Variants in PTCH2 observed in about 807,000 individuals in gnomAD.
PTCH2 encodes protein patched homolog 2.
PTCH2 carries 96 observed loss-of-function variants against 117.9 expected under a neutral mutation model. The observed-to-expected ratio is 0.81, with a 90% CI of 0.69 to 0.96. PTCH2 has a LOEUF of 0.96. Ranked by LOEUF, PTCH2 falls within the 50% of genes least tolerant of loss-of-function variation. The pLI, the probability that PTCH2 is intolerant of heterozygous loss-of-function variation, is 0.00. For synonymous variants in PTCH2, 615 were observed against 660.9 expected, an observed-to-expected ratio of 0.93 and a Z score of 1.06; for missense variants, 1,379 against 1,562.5, an observed-to-expected ratio of 0.88 and a Z score of 1.98.
rs1344849780 is a variant in PTCH2 at position 44,827,145 on chromosome 1, AC to A, written c.2514+21del. ...AGGCCTGCAGCCCCTGTACTAGTGG[AC>A]CCCTCCAGCCCTCTCCCAACCTGGC... is the stretch of plus-strand genomic sequence containing the variant. On this transcript the variant is annotated intron_variant, in intron 16 of 21. Transcript: ENST00000372192. 3.1e-6 allele frequency: 5 copies of A among 1,613,772 alleles called. No individual in the cohort carries two copies. The South Asian group carries it at 5.5e-5, about 18-fold the overall frequency.
rs755598335 is a variant in PTCH2 at position 44,826,512 on chromosome 1, G to T, written c.2952C>A (p.Leu984=). 6.2e-6 allele frequency: 10 copies of T among 1,613,950 alleles called. No individual in the cohort carries two copies. Among genetic ancestry groups the T allele is most frequent in the Non-Finnish European group, 7.6e-6 (9 of 1,180,034 alleles). The change falls in exon 18 of 22, where the codon CTC becomes CTA. Residue 984 remains leucine, a synonymous_variant. Transcript: ENST00000372192. The surrounding 1 kb of genome is among the most constrained non-coding windows in gnomAD (Gnocchi z 5.1). ...CTATGAGGCCAGCCGTCCAGGGGTT[G>T]AGGAGCAGCAGAGCACAGACGAGGA... ...CTFLVCALLL[L]NPWTAGLIVL... is the part of the protein sequence containing the mutation.
rs143348731 is a variant in PTCH2, at chr1:44,832,286, C to T, written c.321G>A (p.Glu107=). 130 of 1,614,238 alleles carry T rather than the reference C, an allele frequency of 8.1e-5. No homozygotes were observed. In the African/African-American group the frequency reaches 1.5e-3, roughly 18 times the overall value. Residue 107 remains glutamate (E), a synonymous_variant, in exon 3 of 22, where the codon GAG becomes GAA. Coordinates refer to ENST00000372192, the MANE Select transcript of PTCH2 (RefSeq NM_003738.5). The part of the protein sequence containing the change: ...LHYTKEKLGE[E]AAYTSQMLIQ... The stretch of plus-strand genomic sequence containing the variant: ...TCAGCATCTGAGAGGTGTATGCAGC[C>T]TCCTCCCCCAGCTTCTCCTTGGTGT...
rs1317812742 is a variant in PTCH2, at chr1:44,823,226, C to T, written c.3257+17G>A. ...GCCTGTCCTGAGCCCTGCCTCCCTG[C>T]CCCGAGCCCTCCCTACCTTACAATG... is the stretch of plus-strand genomic sequence containing the variant. On this transcript the variant is annotated intron_variant, in intron 20 of 21. Coordinates refer to ENST00000372192, the MANE Select transcript of PTCH2 (RefSeq NM_003738.5). The surrounding 1 kb of genome is among the most constrained non-coding windows in gnomAD (Gnocchi z 5.1). 2 of 1,614,204 alleles carry T rather than the reference C, an allele frequency of 1.2e-6. No homozygotes were observed. Among genetic ancestry groups the T allele is most frequent in the South Asian group, 1.1e-5 (1 of 91,084 alleles).
Position 44,826,498 on chromosome 1 carries a change from G to T in PTCH2, c.2966C>A (p.Ala989Asp). 6.2e-7 allele frequency: 1 copy of T among 1,613,926 alleles called. No individual in the cohort carries two copies. Among genetic ancestry groups the T allele is most frequent in the Non-Finnish European group, 8.5e-7 (1 of 1,180,008 alleles). ...CCTGCAAGCACTCACTATGAGGCCA[G>T]CCGTCCAGGGGTTGAGGAGCAGCAG... ...CALLLLNPWT[A>D]GLIVLVLAMM... The change falls in exon 18 of 22, where the codon GCT becomes GAT. Residue 989 changes from alanine to aspartate, a missense_variant. Physicochemically the swap from Ala to Asp is moderately radical, Grantham distance 126. Coordinates refer to ENST00000372192, the MANE Select transcript of PTCH2 (RefSeq NM_003738.5). The surrounding 1 kb of genome is among the most constrained non-coding windows in gnomAD (Gnocchi z 5.1).
At chr1:44,824,085 CA>C (rs1348946236) in intron 19 of PTCH2, among the ~76,000 whole-genome samples, 5 of 152,182 alleles carry the variant, frequency 3.3e-5, no homozygotes, top group African/African-American at 1.2e-4. Flanking sequence ...AGAGTTGCAG[CA>C]GAGACTCTAT....
intron 1 of PTCH2, 82 bp downstream of exon 1, chr1:44,842,779 C>A: frequency 1.5e-6 from 2 of 1,371,652 alleles, no homozygotes; most frequent in Non-Finnish European, 2.0e-6. Context: ...CTCGGCACTT[C>A]AAGACATCAC....
intron 2 of PTCH2, among the ~76,000 whole-genome samples, chr1:44,833,150 C>T (rs1426700625): frequency 6.6e-6 from 1 of 152,028 alleles, no homozygotes; most frequent in African/African-American, 2.4e-5. Flanking sequence ...ATCTTAGCGC[C>T]CCTCCAGTCC....
rs767202237 is a variant in PTCH2 at position 44,826,263 on chromosome 1, A to C, written c.3101T>G (p.Val1034Gly). 1.9e-6 allele frequency: 3 copies of C among 1,614,070 alleles called. No homozygotes were observed. The highest frequency in any genetic ancestry group is 2.5e-6 in the Non-Finnish European group (3 of 1,180,036). The change falls in exon 19 of 22, where the codon GTC (valine) becomes GGC (glycine). Residue 1034 changes from valine (V) to glycine (G), a missense_variant. Physicochemically the swap from Val to Gly is moderately radical, Grantham distance 109. Transcript: ENST00000372192. The surrounding 1 kb of genome is among the most constrained non-coding windows in gnomAD (Gnocchi z 5.1). Reference protein sequence around the residue: ...ASVGIGVEFTVHVALGFLTTQ... With the variant: ...ASVGIGVEFTGHVALGFLTTQ... ...GCCCGTGCTCACCAGAGCCACGTGG[A>C]CTGTGAACTCAACGCCAATGCCTAC...
chr1:44,841,698 TC>T, intron 2 of PTCH2, 148 bp downstream of exon 2: 1 of 766,094 alleles, frequency 1.3e-6, no homozygotes, highest in Non-Finnish European at 2.3e-6. Context: ...GGAACGGTGT[TC>T]CTAGATGCCC....
chr1:44,829,083 G>T lies in PTCH2; in HGVS notation c.1372-9C>A. ...GCCAAGAAGGGCAGCACCTGGAGGG[G>T]CAGAGGAGCGGGCAGCTGAGGACCC... On this transcript the variant is annotated splice_polypyrimidine_tract_variant and intron_variant, in intron 10 of 21. Transcript: ENST00000372192. 1 of 1,612,788 alleles carries T rather than the reference G, an allele frequency of 6.2e-7. No homozygotes were observed.
chr1:44,828,896 T>C lies in PTCH2; in HGVS notation c.1464+86A>G, dbSNP rs570571979. 355 of 1,417,510 alleles carry C rather than the reference T, an allele frequency of 2.5e-4. 1 individual carries two copies. In the African/African-American group the frequency reaches 4.9e-3, roughly 20 times the overall value. 87.8% of individuals were successfully genotyped at this position (1,417,510 alleles called of 1,614,324 possible). On this transcript the variant is annotated intron_variant, in intron 11 of 21. Coordinates refer to ENST00000372192, the MANE Select transcript of PTCH2 (RefSeq NM_003738.5). ...TGGGGACAAGAGGCACCGAGGTTCA[T>C]TAGCAGCCCAAGGTCACTTGAACCA... is the stretch of plus-strand genomic sequence containing the variant.
At chr1:44,833,116 G>T (rs917887643) in intron 2 of PTCH2, among the ~76,000 whole-genome samples, 2 of 152,122 alleles carry the variant, frequency 1.3e-5, no homozygotes, top group Non-Finnish European at 2.9e-5. Flanking sequence ...GATTCCCGGC[G>T]CCAGGCCTGC....
rs1480555297 is a variant in PTCH2, at chr1:44,823,479, T to C, written c.3115-94A>G. On this transcript the variant is annotated intron_variant, in intron 19 of 21. Coordinates refer to ENST00000372192, the MANE Select transcript of PTCH2 (RefSeq NM_003738.5). The surrounding 1 kb of genome is among the most constrained non-coding windows in gnomAD (Gnocchi z 5.1). ...TGTATCTGTCTTCAGAGCTCAACGATACCTTGGCCCACCAAAGGCTGGGTG... is the reference window on the plus strand; with the variant it reads ...TGTATCTGTCTTCAGAGCTCAACGACACCTTGGCCCACCAAAGGCTGGGTG... The C allele has an allele frequency of 1.3e-6, 2 of 1,553,474 alleles. No individual in the cohort carries two copies. The highest frequency in any genetic ancestry group is 1.4e-5 in the African/African-American group (1 of 73,644).
At position 44,822,507 on chromosome 1, in the gene PTCH2, T is replaced by C. The variant is rs749534829; in HGVS notation, c.3520A>G (p.Ile1174Val). The C allele has an allele frequency of 2.5e-6, 4 of 1,613,724 alleles. No individual in the cohort carries two copies. The highest frequency in any genetic ancestry group is 1.1e-5 in the South Asian group (1 of 91,076). ...IHPPPLPGAY[I>V]HPAPDEPPWS... ...GGGGGCTCATCAGGGGCTGGATGGA[T>C]GTAGGCACCAGGCAGGGGGGGTGGG... Residue 1174 changes from isoleucine (I) to valine (V), a missense_variant, in exon 22 of 22, where the codon ATC becomes GTC. Ile to Val is a conservative substitution (Grantham distance 29). Coordinates refer to ENST00000372192, the MANE Select transcript of PTCH2 (RefSeq NM_003738.5).
chr1:44,831,759 G>A lies in PTCH2; in HGVS notation c.564C>T (p.Pro188=). 6.3e-7 allele frequency: 1 copy of A among 1,587,638 alleles called. No homozygotes were observed. Residue 188 remains proline (P), a synonymous_variant, in exon 5 of 22, where the codon CCC becomes CCT. Transcript: ENST00000372192. This position sits in a 1 kb window ranked among gnomAD's most constrained non-coding sequence, Gnocchi z 4.3. ...EKLFPCVILT[P]LDCFWEGAKL... ...TGGCTCCCTCCCAGAAGCAGTCGAG[G>A]GGGGTGAGGATCACGCACGGAAACA...
rs372907480 is a variant in PTCH2 at position 44,827,601 on chromosome 1, A to G, written c.2172T>C (p.His724=). ...ACCTGAGCTGGGCGCTCAGGAAGGC[A>G]TGCTCCTTGGTGCCCCGAGGCACCA... is the stretch of plus-strand genomic sequence containing the variant. ...TDVVPRGTKE[H]AFLSAQLRYF... Residue 724 remains histidine, a synonymous_variant, in exon 15 of 22, where the codon CAT becomes CAC. Transcript: ENST00000372192. 3.6e-5 allele frequency: 58 copies of G among 1,613,862 alleles called. No homozygotes were observed. The South Asian group carries it at 4.7e-4, about 13-fold the overall frequency.
rs1653244971 is a variant in PTCH2 at position 44,828,083 on chromosome 1, A to G, written c.1818T>C (p.Cys606=). The G allele has an allele frequency of 6.2e-7, 1 of 1,614,016 alleles. No individual in the cohort carries two copies. The highest frequency in any genetic ancestry group is 1.1e-5 in the South Asian group (1 of 91,090). ...LTATVQAFTH[C]EASSQHVVTI... is the part of the protein sequence containing the mutation. Reference sequence around the variant, plus strand: ...TGACCACATGCTGGCTGCTGGCTTCACAGTGGGTAAAGGCTTGAACTGTGG... The same window carrying G: ...TGACCACATGCTGGCTGCTGGCTTCGCAGTGGGTAAAGGCTTGAACTGTGG... The change falls in exon 14 of 22, where the codon TGT becomes TGC. Residue 606 remains cysteine, a synonymous_variant. Coordinates refer to ENST00000372192, the MANE Select transcript of PTCH2 (RefSeq NM_003738.5).
chr1:44,820,067 T>G (rs1271251882), downstream of PTCH2: 1 of 228,208 alleles, frequency 4.4e-6, no homozygotes, highest in African/African-American at 2.3e-5. Context: ...GTTGGATGCC[T>G]GCGTGGTACG....
chr1:44,841,820 C>T (rs1262039795), intron 2 of PTCH2, 27 bp downstream of exon 2: 13 of 1,611,598 alleles, frequency 8.1e-6, no homozygotes, highest in African/African-American at 1.3e-5. Flanking sequence ...CATACCTGAG[C>T]AGCTATGGCC....
Sources: allele counts gnomAD v4.1 joint callset (sites outside exome capture counted in the v4.1 genomes callset), GRCh38; gene constraint gnomAD v4.1.1; non-coding constraint Gnocchi (gnomAD v3.1); transcripts MANE v1.5; gene names NCBI Gene and HGNC (gene_info 2026-07-23, HGNC 2026-07-21).